The following PVT1 variants were observed in gnomAD, a reference collection of about 807,000 sequenced individuals.
PVT1 encodes the protein Pvt1 oncogene.
At chr8:127,870,311 G>A (rs927922534) in intron 2 of PVT1, among the ~76,000 whole-genome samples, 3 of 152,190 alleles carry the variant, frequency 2.0e-5, no homozygotes, top group African/African-American at 7.2e-5. Context: ...AGGATTGCAG[G>A]AAGCCACCAG....
chr8:128,086,403 T>C (rs1460003353), intron 5 of PVT1, among the ~76,000 whole-genome samples: 1 of 152,210 alleles, frequency 6.6e-6, no homozygotes, highest in African/African-American at 2.4e-5. Flanking sequence ...GCTACTATGC[T>C]AATCCTCATG....
At chr8:128,065,972 A>C (rs997646566) in intron 4 of PVT1, among the ~76,000 whole-genome samples, 1 of 152,270 alleles carries the variant, frequency 6.6e-6, no homozygotes, top group Non-Finnish European at 1.5e-5. Context: ...CACAGGCAAC[A>C]ACAGATGACA....
chr8:127,816,762 G>A (rs1283851215), intron 2 of PVT1, among the ~76,000 whole-genome samples: 1 of 152,160 alleles, frequency 6.6e-6, no homozygotes, highest in African/African-American at 2.4e-5. Flanking sequence ...GACCTCAGGT[G>A]ATCCACCCGC....
intron 6 of PVT1, chr8:128,100,848 C>A (rs969019369): frequency 6.6e-6 from 1 of 151,840 alleles, no homozygotes; most frequent in Non-Finnish European, 1.5e-5. Context: ...CATCAGGGTG[C>A]GGGGAGGAGA....
intron 5 of PVT1, among the ~76,000 whole-genome samples, chr8:128,070,636 GA>G: frequency 6.6e-6 from 1 of 152,026 alleles, no homozygotes; most frequent in Admixed American, 6.5e-5. Flanking sequence ...CATCAGGCAG[GA>G]AAAAAGGGGC....
At chr8:127,838,469 C>T (rs983947567) in intron 2 of PVT1, among the ~76,000 whole-genome samples, 34 of 152,184 alleles carry the variant, frequency 2.2e-4, no homozygotes, top group African/African-American at 6.3e-4. Flanking sequence ...TTTTGGGAGG[C>T]TGAGGCGAGT....
intron 4 of PVT1, among the ~76,000 whole-genome samples, chr8:128,053,464 A>G (rs2130108960): frequency 6.7e-6 from 1 of 149,902 alleles, no homozygotes; most frequent in African/African-American, 2.4e-5. Context: ...TATTATATAT[A>G]TAGGTATTAA....
At chr8:128,047,966 G>A (rs1813640693) in intron 4 of PVT1, among the ~76,000 whole-genome samples, 1 of 152,152 alleles carries the variant, frequency 6.6e-6, no homozygotes, top group Non-Finnish European at 1.5e-5. Context: ...AACTACCAAA[G>A]AGCAAAGTCA....
At chr8:127,894,921 C>A (rs542907280) in intron 3 of PVT1, among the ~76,000 whole-genome samples, 1 of 152,150 alleles carries the variant, frequency 6.6e-6, no homozygotes, top group African/African-American at 2.4e-5. Context: ...AGTGACTGGC[C>A]GGCTTGGTCT....
intron 4 of PVT1, among the ~76,000 whole-genome samples, chr8:128,004,143 G>T (rs1341453470): frequency 1.3e-5 from 2 of 152,152 alleles, no homozygotes; most frequent in Non-Finnish European, 2.9e-5. Flanking sequence ...TCACCTTAGG[G>T]GTTGGGACTT....
At chr8:127,809,970 G>A (rs993454109) in intron 2 of PVT1, among the ~76,000 whole-genome samples, 4 of 152,214 alleles carry the variant, frequency 2.6e-5, no homozygotes, top group African/African-American at 7.2e-5. Context: ...AGACCCAGCC[G>A]GTGGAGACCA....
At chr8:128,013,301 C>T (rs1379794270) in intron 4 of PVT1, among the ~76,000 whole-genome samples, 1 of 152,110 alleles carries the variant, frequency 6.6e-6, no homozygotes, top group Non-Finnish European at 1.5e-5. Context: ...TAGGGTTCCA[C>T]AAATAAGTCT....
intron 2 of PVT1, among the ~76,000 whole-genome samples, chr8:127,817,546 TAC>T (rs1554588971): frequency 4.4e-5 from 4 of 89,908 alleles, no homozygotes; most frequent in Non-Finnish European, 6.8e-5. Flanking sequence ...TATATATATA[TAC>T]ACACACACAC....
At chr8:127,911,568 C>T (rs1202457113) in intron 3 of PVT1, among the ~76,000 whole-genome samples, 2 of 152,248 alleles carry the variant, frequency 1.3e-5, no homozygotes, top group Non-Finnish European at 2.9e-5. Flanking sequence ...GCTGCCAAAC[C>T]GCAGAAACTG....
At chr8:127,980,499 G>A (rs1265461033) in intron 3 of PVT1, among the ~76,000 whole-genome samples, 1 of 152,072 alleles carries the variant, frequency 6.6e-6, no homozygotes, top group African/African-American at 2.4e-5. Flanking sequence ...TTCCCTAGAA[G>A]GTGGCTTATT....
chr8:127,955,341 C>A (rs1816555802), intron 3 of PVT1, among the ~76,000 whole-genome samples: 1 of 152,178 alleles, frequency 6.6e-6, no homozygotes, highest in Admixed American at 6.5e-5. Flanking sequence ...AAATAAATTT[C>A]TGTTGTTAAA....
At chr8:127,800,935 G>A (rs1814456417) in intron 2 of PVT1, among the ~76,000 whole-genome samples, 1 of 152,206 alleles carries the variant, frequency 6.6e-6, no homozygotes, top group African/African-American at 2.4e-5. Context: ...GTGGTGCTGT[G>A]TGGTTAAGTT....
At chr8:128,050,284 C>T (rs1161202762) in intron 4 of PVT1, among the ~76,000 whole-genome samples, 1 of 152,164 alleles carries the variant, frequency 6.6e-6, no homozygotes, top group Non-Finnish European at 1.5e-5. Context: ...TTGAGTTTAA[C>T]TGTCTCTTCT....
chr8:127,935,186 G>A (rs542274620), intron 3 of PVT1, among the ~76,000 whole-genome samples: 26 of 152,034 alleles, frequency 1.7e-4, no homozygotes, highest in Non-Finnish European at 2.8e-4. Flanking sequence ...GGCTGGTCTC[G>A]AGCTCCGGAC....
Sources: gnomAD v4.1 joint callset for allele counts (sites outside exome capture counted in the v4.1 genomes callset) on GRCh38, gnomAD v4.1.1 for gene constraint, MANE v1.5 for transcripts, NCBI Gene and HGNC (gene_info 2026-07-23, HGNC 2026-07-21) for gene names.